The following METTL4 variants were observed in gnomAD, a reference collection of about 807,000 sequenced individuals.
METTL4 encodes N(6)-adenine-specific methyltransferase METTL4.
A neutral mutation model predicts 54.0 loss-of-function variants in METTL4; 40 were observed. The observed-to-expected ratio is 0.74, with a 90% CI of 0.58 to 0.96. METTL4 has a LOEUF of 0.96. METTL4 is among the 50% of genes least tolerant of loss of function. The pLI, the probability that METTL4 is intolerant of heterozygous loss-of-function variation, is 0.00. For missense variants in METTL4, 525 were observed against 549.0 expected (o/e 0.96, Z 0.44); for synonymous variants, 169 against 183.8 (o/e 0.92, Z 0.65).
chr18:2,567,993 A>T (rs1215068261), intron 1 of METTL4, among the ~76,000 whole-genome samples: 1 of 152,262 alleles, frequency 6.6e-6, no homozygotes, highest in Non-Finnish European at 1.5e-5. Flanking sequence ...TTGGATAACT[A>T]GGTTTCTCAG....
At chr18:2,568,230 T>C (rs2072450209) in intron 1 of METTL4, among the ~76,000 whole-genome samples, 1 of 152,222 alleles carries the variant, frequency 6.6e-6, no homozygotes, top group Non-Finnish European at 1.5e-5. Context: ...CCTTACTGAG[T>C]GCAGGGATGA....
At chr18:2,546,468 G>A (rs2072072109) in intron 6 of METTL4, among the ~76,000 whole-genome samples, 1 of 152,040 alleles carries the variant, frequency 6.6e-6, no homozygotes, top group African/African-American at 2.4e-5. Context: ...TAGGGGTCCT[G>A]GAATGTATCC....
intron 2 of METTL4, among the ~76,000 whole-genome samples, chr18:2,564,161 T>C (rs1014965679): frequency 6.6e-6 from 1 of 151,666 alleles, no homozygotes; most frequent in Non-Finnish European, 1.5e-5. Flanking sequence ...CCCAGCACTT[T>C]GGGAGGCCAA....
intron 1 of METTL4, among the ~76,000 whole-genome samples, chr18:2,569,772 T>C (rs142749757): frequency 6.6e-6 from 1 of 152,300 alleles, no homozygotes; most frequent in Non-Finnish European, 1.5e-5. Context: ...TATCAAGAGA[T>C]GCTGCTCCCT....
Position 2,541,709 on chromosome 18 carries a change from C to G in METTL4, c.1273+2486G>C, listed in dbSNP as rs1439925810. 2.7e-5 allele frequency among the ~76,000 whole-genome samples: 4 copies of G among 150,130 alleles called. No individual in the cohort carries two copies. In the Admixed American group the frequency reaches 2.7e-4, roughly 10 times the overall value. ...AAATGCCATATGCTACCAATGTGGT[C>G]TCCTACATTTTGCAACAGAAATAAC... is the stretch of plus-strand genomic sequence containing the variant. On this transcript the variant is annotated intron_variant, in intron 8 of 8. Transcript: ENST00000574538.
At chr18:2,540,468 C>T in intron 8 of METTL4, 1 of 984,634 alleles carries the variant, frequency 1.0e-6, no homozygotes, top group Non-Finnish European at 1.2e-6. Context: ...TCATCATGTT[C>T]TTCAGTTGCT....
intron 5 of METTL4, among the ~76,000 whole-genome samples, chr18:2,552,145 A>G (rs554988641): frequency 1.4e-4 from 22 of 152,148 alleles, no homozygotes; most frequent in Non-Finnish European, 2.6e-4. Context: ...GTGAGCCAAG[A>G]TCGCGCCACT....
intron 3 of METTL4, among the ~76,000 whole-genome samples, chr18:2,557,981 C>T (rs2072263030): frequency 6.6e-6 from 1 of 152,016 alleles, no homozygotes; most frequent in African/African-American, 2.4e-5. Flanking sequence ...TCTAAACCAA[C>T]CCAAAAAAAT....
chr18:2,554,480 ATATT>A (rs2072207044), intron 4 of METTL4, 185 bp downstream of exon 4: 2 of 548,232 alleles, frequency 3.6e-6, no homozygotes, highest in East Asian at 3.1e-5. Context: ...TTTATTCACA[ATATT>A]TATTTTTTTA....
chr18:2,563,935 T>C (rs973179680), intron 2 of METTL4, 76 bp from the exon 3 acceptor site: 22 of 892,686 alleles, frequency 2.5e-5, no homozygotes, highest in Non-Finnish European at 3.4e-5. Context: ...ACATTATTTA[T>C]GTCTTATATC....
chr18:2,551,960 C>T (rs1411319860), intron 5 of METTL4, among the ~76,000 whole-genome samples: 6 of 151,938 alleles, frequency 3.9e-5, no homozygotes, highest in African/African-American at 9.7e-5. Flanking sequence ...TTTGGGAGGC[C>T]GAGGCAGACA....
chr18:2,555,038 T>A lies in METTL4; in HGVS notation c.460A>T (p.Ile154Phe), dbSNP rs1315875364. 6.2e-7 allele frequency: 1 copy of A among 1,609,630 alleles called. No homozygotes were observed. Among genetic ancestry groups the A allele is most frequent in the Non-Finnish European group, 8.5e-7 (1 of 1,179,082 alleles). Reference protein sequence around the residue: ...ELDAMEYHTKIRELILDGSLQ... With the variant: ...ELDAMEYHTKFRELILDGSLQ... ...GATCCATCCAAAATCAGCTCCCTGA[T>A]CTGTAAGAGAATTTTAAGTACATTA... Residue 154 changes from isoleucine (I) to phenylalanine (F), a missense_variant and splice_region_variant, in exon 4 of 9, where the codon ATC (isoleucine) becomes TTC (phenylalanine). Coordinates refer to ENST00000574538, the MANE Select transcript of METTL4 (RefSeq NM_022840.5).
At chr18:2,562,255 C>T (rs1762519839) in intron 3 of METTL4, 1 of 152,392 alleles carries the variant, frequency 6.6e-6, no homozygotes, top group African/African-American at 2.4e-5. Flanking sequence ...TGCCTGTAGT[C>T]CCATCTACTC....
chr18:2,562,628 T>C, intron 3 of METTL4, among the ~76,000 whole-genome samples: 1 of 152,202 alleles, frequency 6.6e-6, no homozygotes, highest in South Asian at 2.1e-4. Context: ...ACAACATGGA[T>C]GAACCTTGAA....
At chr18:2,564,640 C>T (rs562227253) in intron 2 of METTL4, among the ~76,000 whole-genome samples, 2 of 152,264 alleles carry the variant, frequency 1.3e-5, no homozygotes, top group Admixed American at 6.5e-5. Context: ...AACTCCAGTG[C>T]TTACCTTGTG....
intron 8 of METTL4, among the ~76,000 whole-genome samples, chr18:2,543,868 G>A (rs73938958): frequency 0.012 from 1,801 of 152,192 alleles, 27 homozygotes; most frequent in South Asian, 0.043. Flanking sequence ...ATACAGCCCC[G>A]GTAGTAAAAT....
intron 3 of METTL4, among the ~76,000 whole-genome samples, chr18:2,556,626 T>C (rs929295086): frequency 6.6e-6 from 1 of 151,884 alleles, no homozygotes; most frequent in African/African-American, 2.4e-5. Flanking sequence ...CAAATAAAAA[T>C]ATTGGGAATA....
In METTL4 at chr18:2,537,872, T is replaced by C. The variant is rs1339881632; in HGVS notation, c.*1128A>G. 3 of 398,336 alleles carry C rather than the reference T, an allele frequency of 7.5e-6. No homozygotes were observed. Among genetic ancestry groups the C allele is most frequent in the African/African-American group, 4.1e-5 (2 of 48,594 alleles). 24.7% of individuals were successfully genotyped at this position (398,336 alleles called of 1,614,324 possible). On this transcript the variant is annotated 3_prime_UTR_variant, in exon 9 of 9. Transcript: ENST00000574538. ...AATTCTCAAACAGCAGAACTAATGA[T>C]AGAAAGCAAACCAGTGTTTGCCAGG...
rs753134673 is a variant in METTL4 at position 2,547,342 on chromosome 18, C to T, written c.1074+13G>A. 9.1e-6 allele frequency: 14 copies of T among 1,540,032 alleles called. No homozygotes were observed. The South Asian group carries it at 1.8e-4, about 19-fold the overall frequency. On this transcript the variant is annotated intron_variant, in intron 6 of 8. Coordinates refer to ENST00000574538, the MANE Select transcript of METTL4 (RefSeq NM_022840.5). Reference sequence around the variant, plus strand: ...CAAGCTGTATTAACAAATAAGCTAACTTCTGAACTTACTTTTACCCAGTGC... The same window carrying T: ...CAAGCTGTATTAACAAATAAGCTAATTTCTGAACTTACTTTTACCCAGTGC...
Sources: gnomAD v4.1 joint callset for allele counts (sites outside exome capture counted in the v4.1 genomes callset) on GRCh38, gnomAD v4.1.1 for gene constraint, MANE v1.5 for transcripts, NCBI Gene and HGNC (gene_info 2026-07-23, HGNC 2026-07-21) for gene names.